The following DSCAM variants were observed in gnomAD, a reference collection of about 807,000 sequenced individuals.
DSCAM encodes the protein DS cell adhesion molecule.
DSCAM carries 47 observed loss-of-function variants against 217.7 expected under a neutral mutation model. The observed-to-expected ratio is 0.22, with a 90% CI of 0.17 to 0.28. DSCAM has a LOEUF of 0.28. Among genes scored for constraint, DSCAM ranks in the 10% least tolerant of loss-of-function variants. The pLI is 1.00. For synonymous variants in DSCAM, 1,056 were observed against 1,015.3 expected (o/e 1.04, Z -0.76); for missense variants, 2,080 against 2,618.3 (o/e 0.79, Z 4.49).
At chr21:40,285,439 C>T (rs2073812774) in intron 10 of DSCAM, among the ~76,000 whole-genome samples, 2 of 152,102 alleles carry the variant, frequency 1.3e-5, no homozygotes, top group Non-Finnish European at 2.9e-5. Flanking sequence ...CCTGGTGGCT[C>T]CACCAAGGCT....
chr21:40,044,772 T>A (rs1177135468), intron 30 of DSCAM, among the ~76,000 whole-genome samples: 3 of 152,226 alleles, frequency 2.0e-5, no homozygotes, highest in African/African-American at 7.2e-5. Context: ...TATGACCCGA[T>A]GCACATCATT....
chr21:40,659,043 A>G lies in DSCAM; in HGVS notation c.508+33767T>C, dbSNP rs2090107188. ...AGTGCTTCTTTGGAAGAGGGGAGGC[A>G]TCTTGGGATACCAGGATTGCAGGGC... On this transcript the variant is annotated intron_variant, in intron 3 of 32. Transcript: ENST00000400454. Among the ~76,000 whole-genome samples, 4 of 152,278 alleles carry G rather than the reference A, an allele frequency of 2.6e-5. No homozygotes were observed. In the South Asian group the frequency reaches 8.3e-4, roughly 32 times the overall value.
At chr21:40,371,739 T>C (rs904577485) in intron 3 of DSCAM, among the ~76,000 whole-genome samples, 3 of 152,326 alleles carry the variant, frequency 2.0e-5, no homozygotes, top group Non-Finnish European at 2.9e-5. Flanking sequence ...TAAGCATTTT[T>C]TGAGATGTTT....
intron 1 of DSCAM, among the ~76,000 whole-genome samples, chr21:40,717,954 G>A (rs2090859962): frequency 6.6e-6 from 1 of 152,178 alleles, no homozygotes. Context: ...AGACTGCTCT[G>A]CTGGGAGTCT....
intron 11 of DSCAM, among the ~76,000 whole-genome samples, chr21:40,247,704 T>C (rs902696513): frequency 3.9e-5 from 6 of 152,204 alleles, no homozygotes; most frequent in African/African-American, 1.4e-4. Flanking sequence ...TGTAGGCACA[T>C]GATGCAAACT....
chr21:40,753,899 G>A (rs1315897366), intron 1 of DSCAM, among the ~76,000 whole-genome samples: 2 of 152,218 alleles, frequency 1.3e-5, no homozygotes, highest in Non-Finnish European at 2.9e-5. Flanking sequence ...ACAGTGCAAG[G>A]TTCTGCAGCT....
chr21:40,601,725 T>G (rs1325312257), intron 3 of DSCAM, among the ~76,000 whole-genome samples: 2 of 152,202 alleles, frequency 1.3e-5, no homozygotes, highest in African/African-American at 4.8e-5. Flanking sequence ...CATAAATAAG[T>G]GCCGGTTTTA....
chr21:40,237,534 G>C (rs1343445478), intron 11 of DSCAM, among the ~76,000 whole-genome samples: 2 of 152,138 alleles, frequency 1.3e-5, no homozygotes, highest in Non-Finnish European at 2.9e-5. Context: ...TCCCTGCAAA[G>C]GATATAAACT....
chr21:40,214,683 C>A (rs1428484281), intron 11 of DSCAM, among the ~76,000 whole-genome samples: 1 of 126,624 alleles, frequency 7.9e-6, no homozygotes, highest in African/African-American at 3.0e-5. Context: ...AAGCCAAAAA[C>A]AAGGAGTAGC....
At chr21:40,729,803 G>C (rs149915144) in intron 1 of DSCAM, among the ~76,000 whole-genome samples, 3 of 152,258 alleles carry the variant, frequency 2.0e-5, no homozygotes, top group East Asian at 3.9e-4. Context: ...CTCTAGGCCA[G>C]ATCCATGGTG....
intron 3 of DSCAM, among the ~76,000 whole-genome samples, chr21:40,381,254 A>AT (rs1188204396): frequency 6.6e-6 from 1 of 152,012 alleles, no homozygotes; most frequent in African/African-American, 2.4e-5. Flanking sequence ...TGGCTGACTT[A>AT]TTTTGGACTT....
chr21:40,734,707 A>G (rs1439765594), intron 1 of DSCAM, among the ~76,000 whole-genome samples: 2 of 152,182 alleles, frequency 1.3e-5, no homozygotes, highest in African/African-American at 4.8e-5. Flanking sequence ...GAGTTTCAAT[A>G]TGGCTCGTTC....
At chr21:40,743,560 A>T (rs767931387) in intron 1 of DSCAM, among the ~76,000 whole-genome samples, 2 of 152,180 alleles carry the variant, frequency 1.3e-5, no homozygotes, top group African/African-American at 2.4e-5. Flanking sequence ...ACCCCAAAAC[A>T]TGCAGTGAGG....
intron 3 of DSCAM, among the ~76,000 whole-genome samples, chr21:40,600,996 C>T (rs888572850): frequency 6.6e-6 from 1 of 152,168 alleles, no homozygotes; most frequent in African/African-American, 2.4e-5. Context: ...ACAGTATCTC[C>T]TTGCCTATTC....
chr21:40,206,294 G>A (rs1392293115), intron 11 of DSCAM, among the ~76,000 whole-genome samples: 2 of 152,150 alleles, frequency 1.3e-5, no homozygotes, highest in African/African-American at 4.8e-5. Context: ...ACTGGAAACT[G>A]CTGGGGAAAA....
At position 40,451,401 on chromosome 21, in the gene DSCAM, G is replaced by A. The variant is rs1051776660; in HGVS notation, c.509-82156C>T. The stretch of plus-strand genomic sequence containing the variant: ...TGGGGCTGCTTTAATGGTTATGAAA[G>A]GTAACAGACTTGGGGTAGTAAAGAA... On this transcript the variant is annotated intron_variant, in intron 3 of 32. Transcript: ENST00000400454. 8.5e-5 allele frequency among the ~76,000 whole-genome samples: 13 copies of A among 152,218 alleles called. No homozygotes were observed. In the East Asian group the frequency reaches 2.5e-3, roughly 29 times the overall value.
chr21:40,839,222 A>T (rs942094002), intron 1 of DSCAM, among the ~76,000 whole-genome samples: 3 of 152,212 alleles, frequency 2.0e-5, no homozygotes, highest in African/African-American at 7.2e-5. Flanking sequence ...ACACAGACTG[A>T]CAAATAAGGA....
intron 2 of DSCAM, among the ~76,000 whole-genome samples, chr21:40,706,529 CCTAATAG>C (rs2090719748): frequency 6.6e-6 from 1 of 152,132 alleles, no homozygotes; most frequent in African/African-American, 2.4e-5. Flanking sequence ...AGTCATTCTA[CCTAATAG>C]CTTATTCCAG....
intron 3 of DSCAM, among the ~76,000 whole-genome samples, chr21:40,547,969 G>A (rs1490538764): frequency 6.6e-6 from 1 of 152,176 alleles, no homozygotes; most frequent in Non-Finnish European, 1.5e-5. Flanking sequence ...GCATCAGTAA[G>A]GGGCGCTCAG....
Sources: allele counts gnomAD v4.1 joint callset (sites outside exome capture counted in the v4.1 genomes callset), GRCh38; gene constraint gnomAD v4.1.1; transcripts MANE v1.5; gene names NCBI Gene and HGNC (gene_info 2026-07-23, HGNC 2026-07-21).